The following NRG1 variants were observed in gnomAD, a reference collection of about 807,000 sequenced individuals.
NRG1 encodes the protein neuregulin 1, also known as pro-neuregulin-1, membrane-bound isoform.
NRG1 carries 18 observed loss-of-function variants against 63.8 expected under a neutral mutation model. The observed-to-expected ratio is 0.28, with a 90% confidence interval of 0.19 to 0.42. NRG1 has a LOEUF of 0.42. NRG1 is among the 10% of genes least tolerant of loss of function. The pLI is 1.00. For missense variants in NRG1, 762 were observed against 814.7 expected, an observed-to-expected ratio of 0.94 and a Z score of 0.79; for synonymous variants, 302 against 301.3, an observed-to-expected ratio of 1.00 and a Z score of -0.02.
intron 1 of NRG1, among the ~76,000 whole-genome samples, chr8:31,725,959 C>A (rs1253712123): frequency 6.6e-6 from 1 of 152,096 alleles, no homozygotes; most frequent in African/African-American, 2.4e-5. Flanking sequence ...ATGATCATTT[C>A]TGTTTTTATT....
At chr8:32,195,882 G>A (rs1196753204) in intron 1 of NRG1, among the ~76,000 whole-genome samples, 1 of 152,062 alleles carries the variant, frequency 6.6e-6, no homozygotes. Flanking sequence ...TAAGGAAGTG[G>A]GTTACAGGAT....
At chr8:32,025,824 T>C (rs1383889406) in intron 1 of NRG1, among the ~76,000 whole-genome samples, 2 of 150,784 alleles carry the variant, frequency 1.3e-5, no homozygotes. Flanking sequence ...GGCGGGCGCC[T>C]GTAGTCCCAG....
intron 1 of NRG1, among the ~76,000 whole-genome samples, chr8:32,352,264 A>G (rs1272886982): frequency 6.6e-6 from 1 of 151,200 alleles, no homozygotes; most frequent in East Asian, 2.0e-4. Context: ...TACACTGATG[A>G]GACAGAAGGG....
At chr8:31,813,937 C>T (rs1823185734) in intron 1 of NRG1, among the ~76,000 whole-genome samples, 1 of 152,114 alleles carries the variant, frequency 6.6e-6, no homozygotes, top group African/African-American at 2.4e-5. Context: ...AATTAATAAG[C>T]AAAGTCTTAG....
At chr8:32,276,927 G>T (rs1017071484) in intron 1 of NRG1, among the ~76,000 whole-genome samples, 12 of 152,160 alleles carry the variant, frequency 7.9e-5, no homozygotes, top group Admixed American at 2.6e-4. Context: ...TGAATGTGAG[G>T]ATCAGCTCTG....
intron 1 of NRG1, among the ~76,000 whole-genome samples, chr8:31,677,201 C>T (rs1807797611): frequency 6.6e-6 from 1 of 152,144 alleles, no homozygotes; most frequent in Admixed American, 6.5e-5. Context: ...TGGGATAGGA[C>T]ATCGCTTTTG....
At chr8:32,370,274 A>G (rs1165106030) in intron 1 of NRG1, among the ~76,000 whole-genome samples, 1 of 152,254 alleles carries the variant, frequency 6.6e-6, no homozygotes, top group African/African-American at 2.4e-5. Context: ...GGTTTAAAAT[A>G]TATAGTCTAT....
At chr8:32,474,800 G>A (rs577263348) in intron 1 of NRG1, among the ~76,000 whole-genome samples, 24 of 152,104 alleles carry the variant, frequency 1.6e-4, no homozygotes, top group South Asian at 4.2e-4. Flanking sequence ...CACTGTGCCC[G>A]GCCGATATTC....
intron 1 of NRG1, among the ~76,000 whole-genome samples, chr8:32,530,403 A>G (rs1393584077): frequency 2.0e-5 from 3 of 152,112 alleles, no homozygotes; most frequent in East Asian, 3.9e-4. Flanking sequence ...CACCGCGCCC[A>G]GCCAGCTCCA....
chr8:32,448,321 TA>T (rs1587711342), intron 1 of NRG1, among the ~76,000 whole-genome samples: 4 of 152,348 alleles, frequency 2.6e-5, no homozygotes, highest in Admixed American at 6.5e-5. Context: ...GACTAATGTT[TA>T]ATGCTATTTG....
At chr8:31,804,573 C>G (rs543277104) in intron 1 of NRG1, among the ~76,000 whole-genome samples, 1 of 152,080 alleles carries the variant, frequency 6.6e-6, no homozygotes. Flanking sequence ...CTAGAAAAAA[C>G]AGTTATTTTA....
intron 1 of NRG1, among the ~76,000 whole-genome samples, chr8:32,312,876 G>C (rs1426802944): frequency 3.3e-5 from 5 of 151,774 alleles, no homozygotes; most frequent in African/African-American, 1.2e-4. Context: ...ATATTTAGCT[G>C]GGCATAGTGG....
intron 1 of NRG1, among the ~76,000 whole-genome samples, chr8:32,510,424 GA>G (rs1829040594): frequency 6.6e-6 from 1 of 151,996 alleles, no homozygotes; most frequent in African/African-American, 2.4e-5. Context: ...AAGAAAAAAG[GA>G]AAAAGAACAA....
intron 1 of NRG1, among the ~76,000 whole-genome samples, chr8:32,138,386 A>G (rs1346634560): frequency 6.6e-6 from 1 of 151,730 alleles, no homozygotes; most frequent in African/African-American, 2.4e-5. Flanking sequence ...CAAACAAAGC[A>G]TTTTTCTCCC....
intron 1 of NRG1, among the ~76,000 whole-genome samples, chr8:31,692,542 A>G (rs1254907138): frequency 1.3e-5 from 2 of 152,206 alleles, no homozygotes; most frequent in African/African-American, 2.4e-5. Flanking sequence ...ACTCCCACCT[A>G]TCTCTTTTGA....
intron 1 of NRG1, among the ~76,000 whole-genome samples, chr8:32,410,426 C>T (rs1444622464): frequency 6.6e-6 from 1 of 151,998 alleles, no homozygotes; most frequent in East Asian, 1.9e-4. Context: ...CTCAGCCTCC[C>T]AAAGTGATGG....
chr8:32,251,367 TC>T lies in NRG1; in HGVS notation c.38-344458del, dbSNP rs1849082648. On this transcript the variant is annotated intron_variant, in intron 1 of 10. Coordinates refer to the NRG1 transcript ENST00000519301. The stretch of plus-strand genomic sequence containing the variant: ...ATAATAGCTTTCAGCTTCATCCATG[TC>T]CCTGCAAAGGACACAAACTCAACCT... Among the ~76,000 whole-genome samples the T allele has an allele frequency of 2.9e-5, 4 of 139,576 alleles. No individual in the cohort carries two copies. The East Asian group carries it at 8.1e-4, about 28-fold the overall frequency. 91.6% of individuals were successfully genotyped at this position (139,576 alleles called of 152,430 possible). A position where few individuals can be genotyped will look rare whatever the true frequency, so the allele number is the denominator to read the frequency against.
intron 1 of NRG1, among the ~76,000 whole-genome samples, chr8:32,263,695 A>T (rs1850624785): frequency 6.6e-6 from 1 of 152,200 alleles, no homozygotes; most frequent in South Asian, 2.1e-4. Context: ...CCACTCACAT[A>T]ACTGTGAAGC....
chr8:31,876,183 CACA>C (rs1829906724), intron 1 of NRG1, among the ~76,000 whole-genome samples: 1 of 152,118 alleles, frequency 6.6e-6, no homozygotes, highest in South Asian at 2.1e-4. Context: ...TGCTTAAGAG[CACA>C]ACATTTGTAG....
Sources: allele counts gnomAD v4.1 joint callset (sites outside exome capture counted in the v4.1 genomes callset), GRCh38; gene constraint gnomAD v4.1.1; transcripts MANE v1.5; gene names NCBI Gene and HGNC (gene_info 2026-07-23, HGNC 2026-07-21).